Variants in MEIS1 observed in about 807,000 individuals in gnomAD.
MEIS1 encodes homeobox protein Meis1.
In MEIS1, 5 loss-of-function variants were observed where a neutral mutation model predicts 50.8. The ratio of observed to expected loss-of-function variants is 0.10; its 90% CI spans 0.05 to 0.21. MEIS1 has a LOEUF of 0.21. MEIS1 is among the 10% of genes least tolerant of loss of function. The pLI, the probability that MEIS1 is intolerant of heterozygous loss-of-function variation, is 1.00. For synonymous variants in MEIS1, 176 were observed against 179.3 expected (o/e 0.98, Z 0.15); for missense variants, 318 against 517.3 (o/e 0.61, Z 3.74).
chr2:66,447,351 C>T (rs1052600214), intron 6 of MEIS1, among the ~76,000 whole-genome samples: 7 of 152,190 alleles, frequency 4.6e-5, no homozygotes, highest in African/African-American at 1.7e-4. Context: ...ACCTCTCAGT[C>T]CACAGGACTT....
At chr2:66,499,373 T>C (rs940504937) in intron 7 of MEIS1, among the ~76,000 whole-genome samples, 2 of 151,624 alleles carry the variant, frequency 1.3e-5, no homozygotes, top group African/African-American at 4.9e-5. Context: ...TCTCTTTTTT[T>C]CCCCCTGACC....
At chr2:66,464,268 T>C (rs756265263) in intron 7 of MEIS1, 48 bp downstream of exon 7, 6 of 1,451,596 alleles carry the variant, frequency 4.1e-6, no homozygotes, top group Non-Finnish European at 3.8e-6. Flanking sequence ...TTTTTAAGGA[T>C]TGAAAAATCA....
At chr2:66,486,639 G>A (rs1346012029) in intron 7 of MEIS1, among the ~76,000 whole-genome samples, 1 of 152,206 alleles carries the variant, frequency 6.6e-6, no homozygotes. Context: ...TGTGAAGAAA[G>A]TCAATGGTAG....
chr2:66,484,515 T>C (rs1673089803), intron 7 of MEIS1, among the ~76,000 whole-genome samples: 1 of 152,190 alleles, frequency 6.6e-6, no homozygotes, highest in Middle Eastern at 3.2e-3. Context: ...ATGATCCCAT[T>C]CCTTTTTTAC....
chr2:66,441,402 G>A lies in MEIS1; in HGVS notation c.433-12G>A. ...CAGGAATGGGGTGCTTATTGTTTTT[G>A]TATCTTTGCAGATGATTCAAGCCAT... is the stretch of plus-strand genomic sequence containing the variant. On this transcript the variant is annotated splice_polypyrimidine_tract_variant and intron_variant, in intron 4 of 12. Coordinates refer to ENST00000272369, the MANE Select transcript of MEIS1 (RefSeq NM_002398.3). 3.2e-6 allele frequency: 5 copies of A among 1,540,170 alleles called. No individual in the cohort carries two copies. The highest frequency in any genetic ancestry group is 4.4e-6 in the Non-Finnish European group (5 of 1,144,648).
chr2:66,495,580 A>G (rs1421409578), intron 7 of MEIS1, among the ~76,000 whole-genome samples: 2 of 152,188 alleles, frequency 1.3e-5, no homozygotes, highest in African/African-American at 2.4e-5. Flanking sequence ...TTTGGTATCT[A>G]GCATGTAAAT....
intron 8 of MEIS1, among the ~76,000 whole-genome samples, chr2:66,532,771 C>T (rs1277653748): frequency 6.6e-6 from 1 of 152,142 alleles, no homozygotes; most frequent in East Asian, 1.9e-4. Flanking sequence ...ATTGGTGTTG[C>T]CATCTTAGCA....
intron 8 of MEIS1, among the ~76,000 whole-genome samples, chr2:66,514,713 G>A (rs1319239047): frequency 6.6e-6 from 1 of 152,152 alleles, no homozygotes; most frequent in East Asian, 1.9e-4. Context: ...AACATCATCT[G>A]AAGAGCAAAG....
chr2:66,509,174 A>T (rs913048833), intron 7 of MEIS1: 12 of 380,278 alleles, frequency 3.2e-5, no homozygotes, highest in Admixed American at 7.3e-5. Context: ...TTTCCAGATC[A>T]ATTTTCAATT....
intron 6 of MEIS1, chr2:66,443,276 C>T (rs1371628535): frequency 2.0e-6 from 1 of 500,738 alleles, no homozygotes; most frequent in African/African-American, 2.0e-5. Flanking sequence ...TGCTAGCAAA[C>T]TTGACCTGTT....
chr2:66,515,204 TA>T (rs1481754303), intron 8 of MEIS1, among the ~76,000 whole-genome samples: 1 of 152,208 alleles, frequency 6.6e-6, no homozygotes, highest in African/African-American at 2.4e-5. Context: ...AATTTATTAG[TA>T]AACTGTAAAC....
chr2:66,439,577 GT>G (rs1045352663), intron 2 of MEIS1: 2 of 1,525,890 alleles, frequency 1.3e-6, no homozygotes, highest in Non-Finnish European at 1.7e-6. Flanking sequence ...CGTAGCAAAT[GT>G]TGCCAATTTC....
At chr2:66,566,161 A>G (rs1399029517) in intron 9 of MEIS1, among the ~76,000 whole-genome samples, 2 of 152,332 alleles carry the variant, frequency 1.3e-5, no homozygotes, top group African/African-American at 4.8e-5. Context: ...AATTAGCACA[A>G]ACAGTATACC....
At chr2:66,467,511 C>T (rs1672667450) in intron 7 of MEIS1, among the ~76,000 whole-genome samples, 1 of 151,790 alleles carries the variant, frequency 6.6e-6, no homozygotes, top group Non-Finnish European at 1.5e-5. Context: ...CCAGGAGAAT[C>T]GCTTGAACCC....
intron 7 of MEIS1, among the ~76,000 whole-genome samples, chr2:66,493,486 A>G (rs748138342): frequency 6.6e-5 from 10 of 152,074 alleles, no homozygotes; most frequent in Non-Finnish European, 1.5e-4. Flanking sequence ...TATTAGTGTT[A>G]TTTCCTTATA....
chr2:66,488,495 A>G (rs565993266), intron 7 of MEIS1, among the ~76,000 whole-genome samples: 74 of 152,014 alleles, frequency 4.9e-4, no homozygotes, highest in Non-Finnish European at 8.5e-4. Context: ...TGGCCAACAC[A>G]GTGAAACCCT....
At position 66,569,042 on chromosome 2, in the gene MEIS1, C is replaced by T. The variant is rs934609985; in HGVS notation, c.1115-8C>T. ...TGGCCTCTTCTTGGATTTTTATCTC[C>T]CTTCTAGGACCTATGAGTGGAATGG... On this transcript the variant is annotated splice_region_variant and splice_polypyrimidine_tract_variant and intron_variant, in intron 11 of 12. Transcript: ENST00000272369. 2 of 1,612,968 alleles carry T rather than the reference C, an allele frequency of 1.2e-6. No individual in the cohort carries two copies. The highest frequency in any genetic ancestry group is 2.2e-5 in the East Asian group (1 of 44,852).
intron 6 of MEIS1, among the ~76,000 whole-genome samples, chr2:66,462,348 G>T (rs774113359): frequency 1.3e-5 from 2 of 152,150 alleles, no homozygotes; most frequent in African/African-American, 2.4e-5. Flanking sequence ...GATGTCACTC[G>T]CAGGATCTCA....
At chr2:66,443,715 CCA>C (rs1458386207) in intron 6 of MEIS1, 3 of 152,360 alleles carry the variant, frequency 2.0e-5, no homozygotes, top group African/African-American at 7.2e-5. Context: ...CTCCTTCTTT[CCA>C]CTCATCCTCC....
Sources: allele counts gnomAD v4.1 joint callset (sites outside exome capture counted in the v4.1 genomes callset), GRCh38; gene constraint gnomAD v4.1.1; transcripts MANE v1.5; gene names NCBI Gene and HGNC (gene_info 2026-07-23, HGNC 2026-07-21).